Variants in SLAIN1 observed in about 807,000 individuals in gnomAD.
The protein encoded by SLAIN1 is SLAIN family member 1, also known as SLAIN motif-containing protein 1.
A neutral mutation model predicts 55.4 loss-of-function variants in SLAIN1; 17 were observed. That is an observed-to-expected ratio of 0.31 (90% CI 0.21 to 0.46). The LOEUF (loss-of-function observed/expected upper bound fraction) is 0.46. SLAIN1 is among the 20% of genes least tolerant of loss of function. SLAIN1 has a pLI of 1.00. For synonymous variants in SLAIN1, 348 were observed against 337.4 expected (o/e 1.03, Z -0.35); for missense variants, 682 against 785.1 (o/e 0.87, Z 1.57).
At chr13:77,760,796 G>T in intron 5 of SLAIN1, 32 bp from the exon 6 acceptor site, 3 of 1,606,362 alleles carry the variant, frequency 1.9e-6, no homozygotes, top group East Asian at 2.2e-5. Flanking sequence ...GTGGTAGAAG[G>T]TTGCTCACAT....
intron 5 of SLAIN1, among the ~76,000 whole-genome samples, chr13:77,758,447 ATTTT>A (rs971256701): frequency 2.0e-5 from 3 of 151,790 alleles, no homozygotes; most frequent in African/African-American, 7.3e-5. Context: ...CCATTTATTT[ATTTT>A]TGTTTGAGTT....
At chr13:77,709,142 A>G (rs2091120677) in intron 1 of SLAIN1, among the ~76,000 whole-genome samples, 1 of 151,860 alleles carries the variant, frequency 6.6e-6, no homozygotes, top group South Asian at 2.1e-4. Flanking sequence ...AGCCAAATCA[A>G]TCAAGCAGAA....
rs1437407521 is a variant in SLAIN1 at position 77,725,371 on chromosome 13, T to G, written c.766+5700T>G. Among the ~76,000 whole-genome samples, 3 of 152,178 alleles carry G rather than the reference T, an allele frequency of 2.0e-5. No individual in the cohort carries two copies. The East Asian group carries it at 5.8e-4, about 29-fold the overall frequency. ...AATTAAAGACACTTCACTAAGAAAT[T>G]CACAGCCATGAGTAGGAGTGATGAG... On this transcript the variant is annotated intron_variant, in intron 2 of 6. Coordinates refer to ENST00000418532, the MANE Select transcript of SLAIN1 (RefSeq NM_001242868.2).
intron 2 of SLAIN1, among the ~76,000 whole-genome samples, chr13:77,733,602 A>G (rs957861267): frequency 2.6e-5 from 4 of 152,194 alleles, no homozygotes; most frequent in African/African-American, 9.6e-5. Flanking sequence ...ACTTGGGTAT[A>G]ATGACTAACT....
chr13:77,749,989 GA>G (rs1273898937), intron 4 of SLAIN1, among the ~76,000 whole-genome samples: 1 of 152,126 alleles, frequency 6.6e-6, no homozygotes, highest in Non-Finnish European at 1.5e-5. Context: ...TGGTTTAGAG[GA>G]AAAAGCTTGT....
intron 2 of SLAIN1, among the ~76,000 whole-genome samples, chr13:77,740,283 C>T (rs928585191): frequency 3.8e-4 from 58 of 152,068 alleles, no homozygotes; most frequent in Non-Finnish European, 6.3e-4. Context: ...TGTTGAAGAG[C>T]AGGTTGCAGT....
intron 1 of SLAIN1, among the ~76,000 whole-genome samples, chr13:77,707,088 T>C (rs1010117539): frequency 3.2e-4 from 48 of 152,092 alleles, no homozygotes; most frequent in Admixed American, 9.8e-4. Context: ...CTTTTTTTTT[T>C]CTTCAAAATA....
intron 6 of SLAIN1, among the ~76,000 whole-genome samples, 153 bp from the exon 7 acceptor site, chr13:77,762,992 G>C (rs576270336): frequency 6.6e-6 from 1 of 152,178 alleles, no homozygotes; most frequent in Non-Finnish European, 1.5e-5. Context: ...GTGAAGACCC[G>C]TAAGTGTGAA....
Position 77,759,835 on chromosome 13 carries a change from T to C in SLAIN1, c.1415-993T>C, listed in dbSNP as rs17068272. Among the ~76,000 whole-genome samples the C allele has an allele frequency of 6.1e-3, 933 of 152,260 alleles. 6 individuals carry two copies. Among genetic ancestry groups the C allele is most frequent in the African/African-American group, 0.021 (879 of 41,568 alleles). On this transcript the variant is annotated intron_variant, in intron 5 of 6. Transcript: ENST00000418532. ...ATCTTTTTGATAGCACATGTATCAG[T>C]ATTTCTGTGTATAGATTTTGCCTTG...
chr13:77,746,687 T>C lies in SLAIN1; in HGVS notation c.1090T>C (p.Cys364Arg), dbSNP rs370991713. The C allele has an allele frequency of 6.2e-7, 1 of 1,613,680 alleles. No individual in the cohort carries two copies. Among genetic ancestry groups the C allele is most frequent in the African/African-American group, 1.3e-5 (1 of 74,874 alleles). Residue 364 changes from cysteine to arginine, a missense_variant, in exon 4 of 7, where the codon TGT (cysteine) becomes CGT (arginine). This residue lies in a region of SLAIN1 where 244 missense variants were observed against 295.2 expected (regional missense o/e 0.83). Transcript: ENST00000418532. ...LPPPQPRLPR[C>R]SPFQRGIPHS... is the part of the protein sequence containing the mutation. Reference sequence around the variant, plus strand: ...ACCACCTCAGCCTCGTCTTCCAAGATGTTCCCCTTTCCAAAGAGGAATTCC... The same window carrying C: ...ACCACCTCAGCCTCGTCTTCCAAGACGTTCCCCTTTCCAAAGAGGAATTCC...
chr13:77,748,570 G>A lies in SLAIN1; in HGVS notation c.1258+1715G>A, dbSNP rs576884880. Among the ~76,000 whole-genome samples, 206 of 152,162 alleles carry A rather than the reference G, an allele frequency of 1.4e-3. 1 individual carries two copies. The highest frequency in any genetic ancestry group is 0.011 in the South Asian group (54 of 4,824). The stretch of plus-strand genomic sequence containing the variant: ...GTGGTATTCACTTCCATCAAACACC[G>A]TTTGAAAAGGATTAGGTTTCTGTGA... On this transcript the variant is annotated intron_variant, in intron 4 of 6. Transcript: ENST00000418532.
At chr13:77,734,459 A>G (rs1487114078) in intron 2 of SLAIN1, among the ~76,000 whole-genome samples, 1 of 152,154 alleles carries the variant, frequency 6.6e-6, no homozygotes, top group Admixed American at 6.6e-5. Flanking sequence ...GGTAATGAAC[A>G]TCATTAAGAG....
At chr13:77,711,182 A>G (rs931127060) in intron 1 of SLAIN1, among the ~76,000 whole-genome samples, 7 of 152,174 alleles carry the variant, frequency 4.6e-5, no homozygotes, top group African/African-American at 1.7e-4. Context: ...TAGAGAAGCA[A>G]GAGCAAACAA....
At chr13:77,716,018 C>T (rs1380897868) in intron 1 of SLAIN1, among the ~76,000 whole-genome samples, 1 of 151,908 alleles carries the variant, frequency 6.6e-6, no homozygotes, top group Non-Finnish European at 1.5e-5. Context: ...CATACTTTTA[C>T]CTTTGGTTTC....
chr13:77,719,520 T>C lies in SLAIN1; in HGVS notation c.627-12T>C. The stretch of plus-strand genomic sequence containing the variant: ...CTATATCATACCTATAATGTAGATT[T>C]CTTTTTTTAAGGTTATACATTGGCT... On this transcript the variant is annotated splice_polypyrimidine_tract_variant and intron_variant, in intron 1 of 6. Coordinates refer to ENST00000418532, the MANE Select transcript of SLAIN1 (RefSeq NM_001242868.2). The C allele has an allele frequency of 1.9e-6, 3 of 1,604,772 alleles. No individual in the cohort carries two copies. Among genetic ancestry groups the C allele is most frequent in the South Asian group, 2.2e-5 (2 of 90,684 alleles).
At chr13:77,732,884 A>G (rs1274982947) in intron 2 of SLAIN1, among the ~76,000 whole-genome samples, 1 of 152,102 alleles carries the variant, frequency 6.6e-6, no homozygotes, top group Non-Finnish European at 1.5e-5. Flanking sequence ...TTTCAGCTCT[A>G]CTTTGAGACT....
At chr13:77,715,185 G>A (rs2091194805) in intron 1 of SLAIN1, among the ~76,000 whole-genome samples, 1 of 152,154 alleles carries the variant, frequency 6.6e-6, no homozygotes, top group South Asian at 2.1e-4. Flanking sequence ...TAAAGTCACA[G>A]ACTATGTACT....
intron 1 of SLAIN1, among the ~76,000 whole-genome samples, chr13:77,705,463 C>T (rs952137531): frequency 1.3e-5 from 2 of 151,524 alleles, no homozygotes; most frequent in African/African-American, 4.8e-5. Flanking sequence ...TGCCAGAATC[C>T]AATATACCAT....
rs2091000780 is a variant in SLAIN1 at position 77,698,790 on chromosome 13, C to T, written c.626+251C>T. 1 of 1,285,422 alleles carries T rather than the reference C, an allele frequency of 7.8e-7. No individual in the cohort carries two copies. Among genetic ancestry groups the T allele is most frequent in the Non-Finnish European group, 1.0e-6 (1 of 969,152 alleles). The allele number at this position is 1,285,422 out of a possible 1,614,324, so 79.6% of individuals were successfully genotyped here. A position where few individuals can be genotyped will look rare whatever the true frequency, so the allele number is the denominator to read the frequency against. Reference sequence around the variant, plus strand: ...TGAACCGGCCCCCCCTTCCCCCCATCTGCCATGGGTTCTGCTATTTGCTGA... The same window carrying T: ...TGAACCGGCCCCCCCTTCCCCCCATTTGCCATGGGTTCTGCTATTTGCTGA... On this transcript the variant is annotated intron_variant, in intron 1 of 6. Transcript: ENST00000418532. This position sits in a 1 kb window ranked among gnomAD's most constrained non-coding sequence, Gnocchi z 4.1.
Sources: allele counts gnomAD v4.1 joint callset (sites outside exome capture counted in the v4.1 genomes callset), GRCh38; gene constraint gnomAD v4.1.1; regional missense constraint gnomAD v4.1.1; non-coding constraint Gnocchi (gnomAD v3.1); transcripts MANE v1.5; gene names NCBI Gene and HGNC (gene_info 2026-07-23, HGNC 2026-07-21).